AKAP19: variants seen among roughly 807,000 people sequenced by gnomAD.
AKAP19 encodes A-kinase anchoring protein 19.
At chr2:189,900,239 A>G in the AKAP19 span, among the ~76,000 whole-genome samples, 2 of 152,090 alleles carry the variant, frequency 1.3e-5, no homozygotes, top group Admixed American at 6.6e-5. Flanking sequence ...ATATATGCCC[A>G]TTTGTTTGTT....
the AKAP19 span, among the ~76,000 whole-genome samples, chr2:190,099,424 C>T: frequency 1.3e-5 from 2 of 152,142 alleles, no homozygotes; most frequent in Non-Finnish European, 2.9e-5. Flanking sequence ...GCAGTCAGGA[C>T]ACATACAACA....
the AKAP19 span, among the ~76,000 whole-genome samples, chr2:190,020,979 A>G: frequency 6.6e-6 from 1 of 152,310 alleles, no homozygotes; most frequent in African/African-American, 2.4e-5. Flanking sequence ...CATATATCAG[A>G]ATTTCCTTCC....
the AKAP19 span, among the ~76,000 whole-genome samples, chr2:190,029,792 A>G: frequency 6.6e-6 from 1 of 152,186 alleles, no homozygotes; most frequent in Admixed American, 6.5e-5. Context: ...GGATATATGT[A>G]AAAATATGTG....
At chr2:189,923,348 G>T in the AKAP19 span, 1 of 1,611,938 alleles carries the variant, frequency 6.2e-7, no homozygotes, top group South Asian at 1.1e-5. Context: ...GGCCAGCAAC[G>T]TTACCAACAA....
At chr2:190,068,085 G>C in the AKAP19 span, among the ~76,000 whole-genome samples, 1 of 151,902 alleles carries the variant, frequency 6.6e-6, no homozygotes, top group African/African-American at 2.4e-5. Context: ...GACAGAGCGA[G>C]ACCCTCTCTA....
At chr2:189,966,085 G>C in the AKAP19 span, among the ~76,000 whole-genome samples, 1 of 152,114 alleles carries the variant, frequency 6.6e-6, no homozygotes, top group Admixed American at 6.6e-5. Flanking sequence ...AGTAACTCAG[G>C]AATGGAAAAC....
chr2:190,060,381 C>A, the AKAP19 span: 1 of 1,611,022 alleles, frequency 6.2e-7, no homozygotes. Flanking sequence ...TATTTTAGAG[C>A]TAAATTTAAA....
At chr2:189,927,995 T>C in the AKAP19 span, among the ~76,000 whole-genome samples, 2 of 152,166 alleles carry the variant, frequency 1.3e-5, no homozygotes, top group East Asian at 1.9e-4. Context: ...AAGTAAAAGA[T>C]GATTTTTTTC....
chr2:189,883,194 G>A, the AKAP19 span, among the ~76,000 whole-genome samples: 1 of 152,152 alleles, frequency 6.6e-6, no homozygotes, highest in African/African-American at 2.4e-5. Flanking sequence ...GGGTGGGACT[G>A]AAAATTTTCA....
chr2:189,928,282 C>G, the AKAP19 span, among the ~76,000 whole-genome samples: 5 of 152,118 alleles, frequency 3.3e-5, no homozygotes, highest in East Asian at 9.6e-4. Context: ...ATCAATTTTT[C>G]TTGTTACTGG....
At chr2:190,006,744 C>T in the AKAP19 span, among the ~76,000 whole-genome samples, 2 of 151,406 alleles carry the variant, frequency 1.3e-5, no homozygotes, top group East Asian at 2.0e-4. Context: ...GTAGGCCAGG[C>T]GCGGTGGCTC....
At chr2:190,004,725 A>G in the AKAP19 span, among the ~76,000 whole-genome samples, 1 of 152,108 alleles carries the variant, frequency 6.6e-6, no homozygotes, top group South Asian at 2.1e-4. Flanking sequence ...AATCATAACT[A>G]GCAGACACAT....
At chr2:190,031,209 A>T in the AKAP19 span, among the ~76,000 whole-genome samples, 1 of 152,212 alleles carries the variant, frequency 6.6e-6, no homozygotes, top group Admixed American at 6.5e-5. Context: ...GGAAATTTTG[A>T]ATACTGTAGT....
chr2:190,045,188 A>G, the AKAP19 span, among the ~76,000 whole-genome samples: 4 of 152,330 alleles, frequency 2.6e-5, no homozygotes, highest in South Asian at 6.2e-4. Flanking sequence ...GGTCCCACCC[A>G]GTGAGGAGGA....
At chr2:190,073,720 C>T in the AKAP19 span, among the ~76,000 whole-genome samples, 1 of 151,880 alleles carries the variant, frequency 6.6e-6, no homozygotes, top group African/African-American at 2.4e-5. Flanking sequence ...TGTTTCTTTA[C>T]CCTGGTTGTA....
chr2:189,986,249 C>A, the AKAP19 span, among the ~76,000 whole-genome samples: 1 of 152,012 alleles, frequency 6.6e-6, no homozygotes, highest in South Asian at 2.1e-4. Flanking sequence ...TGTTTGTGAC[C>A]TTCGCTTTTT....
At chr2:190,194,498 ACACACACACACACACACACACG>A in the AKAP19 span, among the ~76,000 whole-genome samples, 6 of 145,698 alleles carry the variant, frequency 4.1e-5, no homozygotes, top group Non-Finnish European at 7.7e-5. Context: ...ACACACACAC[ACACACACACACACACACACACG>A]CAGCATCTCC....
At chr2:190,066,292 G>A in the AKAP19 span, among the ~76,000 whole-genome samples, 1 of 152,036 alleles carries the variant, frequency 6.6e-6, no homozygotes, top group Non-Finnish European at 1.5e-5. Flanking sequence ...ACAATGTTGA[G>A]GGTATAAACA....
chr2:189,919,558 C>T, the AKAP19 span, among the ~76,000 whole-genome samples: 1 of 152,066 alleles, frequency 6.6e-6, no homozygotes, highest in East Asian at 1.9e-4. Context: ...CACTCCCCAA[C>T]AGACCGTGGT....
Sources: gnomAD v4.1 joint callset for allele counts (sites outside exome capture counted in the v4.1 genomes callset) on GRCh38, gnomAD v4.1.1 for gene constraint, MANE v1.5 for transcripts, NCBI Gene and HGNC (gene_info 2026-07-23, HGNC 2026-07-21) for gene names.